The following PQBP1 variants were observed in gnomAD, a reference collection of about 807,000 sequenced individuals.
The protein encoded by PQBP1 is polyglutamine binding protein 1.
PQBP1 carries 3 observed loss-of-function variants against 20.9 expected under a neutral mutation model. The observed-to-expected ratio is 0.14, with a 90% CI of 0.07 to 0.37. The LOEUF (loss-of-function observed/expected upper bound fraction) is 0.37, where lower values mean the gene tolerates loss of function less well. Ranked by LOEUF, PQBP1 falls within the 10% of genes least tolerant of loss-of-function variation. PQBP1 has a pLI of 1.00. For missense variants in PQBP1, 162 were observed against 240.3 expected, an observed-to-expected ratio of 0.67 and a Z score of 2.16; for synonymous variants, 83 against 93.8, an observed-to-expected ratio of 0.88 and a Z score of 0.67.
rs782596874 is a variant in PQBP1, at chrX:48,903,014, G to A, written c.728G>A (p.Arg243Gln). The stretch of plus-strand genomic sequence containing the variant: ...GCAGCTGGGCCCCTCTTCCAGCAGC[G>A]GCCGTATCCATCCCCAGGGGCTGTG... ...TTAAGPLFQQ[R>Q]PYPSPGAVLR... The change falls in exon 7 of 7, where the codon CGG becomes CAG. Residue 243 changes from arginine to glutamine, a missense_variant. Arg to Gln is a conservative substitution (Grantham distance 43). Coordinates refer to ENST00000447146, the MANE Select transcript of PQBP1 (RefSeq NM_001032382.2). The A allele has an allele frequency of 1.7e-6, 2 of 1,205,719 alleles. No individual in the cohort carries two copies.
chrX:48,897,974 G>T lies in PQBP1; in HGVS notation c.-127G>T. ...GGAGTGAAGGCCTCGTTGAGAGAAG[G>T]TCTCATTCGGTGTTTTGGGAAGAGA... On this transcript the variant is annotated 5_prime_UTR_variant, in exon 1 of 7. Transcript: ENST00000447146. The T allele has an allele frequency of 1.1e-6, 1 of 900,144 alleles. No homozygotes were observed. Among genetic ancestry groups the T allele is most frequent in the Non-Finnish European group, 1.5e-6 (1 of 672,482 alleles). 74.2% of individuals were successfully genotyped at this position (900,144 alleles called of 1,213,427 possible).
chrX:48,902,648 C>T (rs1294759525), intron 5 of PQBP1, 84 bp from the exon 6 acceptor site: 1 of 1,150,730 alleles, frequency 8.7e-7, no homozygotes, highest in South Asian at 1.9e-5. Flanking sequence ...CAGCCAGGGG[C>T]TTCATTTCTT....
At chrX:48,902,201 G>A (rs782626509) in intron 4 of PQBP1, 32 bp from the exon 5 acceptor site, 2 of 1,210,755 alleles carry the variant, frequency 1.7e-6, no homozygotes, top group Admixed American at 4.4e-5. Flanking sequence ...TCCTGGGGTG[G>A]CAAGAGGTCA....
intron 2 of PQBP1, 133 bp downstream of exon 2, chrX:48,898,709 G>C: frequency 2.0e-6 from 1 of 496,130 alleles, no homozygotes; most frequent in Non-Finnish European, 3.2e-6. Flanking sequence ...ATTTTTCGTT[G>C]TTAACAATGT....
At position 48,901,999 on chromosome X, in the gene PQBP1, C is replaced by T. The variant is rs148270310; in HGVS notation, c.249C>T (p.Ser83=). The T allele has an allele frequency of 1.2e-5, 15 of 1,209,826 alleles. No homozygotes were observed. The highest frequency in any genetic ancestry group is 7.0e-5 in the African/African-American group (4 of 57,078). The change falls in exon 4 of 7, where the codon TCC becomes TCT. Residue 83 remains serine (S), a synonymous_variant. Coordinates refer to ENST00000447146, the MANE Select transcript of PQBP1 (RefSeq NM_001032382.2). ...VSWLSPHDPN[S]VVTKSAKKLR... is the part of the protein sequence containing the mutation. ...GGCTCTCCCCACATGACCCCAACTCCGTGGTTACCAAATCGGCCAAGAAGC... is the reference window on the plus strand; with the variant it reads ...GGCTCTCCCCACATGACCCCAACTCTGTGGTTACCAAATCGGCCAAGAAGC...
rs2063443752 is a variant in PQBP1 at position 48,902,763 on chromosome X, C to T, written c.609C>T (p.Pro203=). The change falls in exon 6 of 7, where the codon CCC becomes CCT. Residue 203 remains proline (P), a synonymous_variant. Transcript: ENST00000447146. ...AVSRKDEELD[P]MDPSSYSDAP... The stretch of plus-strand genomic sequence containing the variant: ...GCCGAAAGGATGAAGAGTTAGACCC[C>T]ATGGACCCTAGCTCATACTCAGACG... The T allele has an allele frequency of 8.3e-7, 1 of 1,204,215 alleles. No homozygotes were observed. The highest frequency in any genetic ancestry group is 1.1e-6 in the Non-Finnish European group (1 of 891,919).
intron 3 of PQBP1, 103 bp from the exon 4 acceptor site, chrX:48,901,827 G>A (rs2063419625): frequency 1.9e-5 from 22 of 1,153,171 alleles, no homozygotes; most frequent in Non-Finnish European, 2.3e-5. Flanking sequence ...CCTGCCTGTG[G>A]GGTCCTGACA....
rs2063420802 is a variant in PQBP1, at chrX:48,901,869, A to G, written c.180-61A>G. The G allele has an allele frequency of 6.6e-6, 8 of 1,204,539 alleles. No individual in the cohort carries two copies. In the Admixed American group the frequency reaches 1.8e-4, roughly 26 times the overall value. On this transcript the variant is annotated intron_variant, in intron 3 of 6. Coordinates refer to ENST00000447146, the MANE Select transcript of PQBP1 (RefSeq NM_001032382.2). ...AGGTATAGGCAGAGACTGGGGAGAC[A>G]AGAGTTGAGGATCCAAGGCAAGGAC...
intron 4 of PQBP1, 70 bp downstream of exon 4, chrX:48,902,112 T>G: frequency 8.3e-7 from 1 of 1,209,388 alleles, no homozygotes; most frequent in Non-Finnish European, 1.1e-6. Flanking sequence ...AGTAGAATGA[T>G]AGTGGATCAG....
At position 48,898,394 on chromosome X, in the gene PQBP1, G is replaced by C. The variant is rs782015230; in HGVS notation, c.-18-98G>C. 509 of 750,293 alleles carry C rather than the reference G, an allele frequency of 6.8e-4. 2 individuals carry two copies. Among genetic ancestry groups the C allele is most frequent in the Non-Finnish European group, 5.7e-5 (28 of 488,068 alleles). 61.8% of individuals were successfully genotyped at this position (750,293 alleles called of 1,213,427 possible). ...GCTACTGGTTCATTTGAGTAGATCG[G>C]AGTCAGATGAGTACATGTTTACGGG... On this transcript the variant is annotated intron_variant, in intron 1 of 6. Transcript: ENST00000447146.
chrX:48,902,867 G>C (rs2063447206), intron 6 of PQBP1, 61 bp from the exon 7 acceptor site: 11 of 1,184,498 alleles, frequency 9.3e-6, no homozygotes, highest in Non-Finnish European at 1.2e-5. Flanking sequence ...TCCTCATTGG[G>C]ACCAGGTGGG....
chrX:48,901,132 G>A (rs1395969256), intron 2 of PQBP1, 58 bp from the exon 3 acceptor site: 38 of 1,175,233 alleles, frequency 3.2e-5, no homozygotes, highest in Non-Finnish European at 4.3e-5. Flanking sequence ...GGCTCTACAT[G>A]TAGGATGAGG....
At chrX:48,902,615 G>C in intron 5 of PQBP1, 98 bp downstream of exon 5, 1 of 1,155,632 alleles carries the variant, frequency 8.7e-7, no homozygotes, top group Non-Finnish European at 1.2e-6. Context: ...CCTGGGGCTA[G>C]AGGAGGGTGC....
intron 5 of PQBP1, 98 bp downstream of exon 5, chrX:48,902,615 G>A: frequency 1.7e-6 from 2 of 1,155,631 alleles, no homozygotes; most frequent in Non-Finnish European, 2.3e-6. Flanking sequence ...CCTGGGGCTA[G>A]AGGAGGGTGC....
chrX:48,899,384 A>G (rs2063367397), intron 2 of PQBP1, among the ~76,000 whole-genome samples: 1 of 111,366 alleles, frequency 9.0e-6, no homozygotes, highest in African/African-American at 3.3e-5. Flanking sequence ...GAGTTTAGGG[A>G]TTAAGAGATT....
At chrX:48,898,604 A>C in intron 2 of PQBP1, 28 bp downstream of exon 2, 1 of 1,191,344 alleles carries the variant, frequency 8.4e-7, no homozygotes, top group Non-Finnish European at 1.1e-6. Context: ...AGATGGTCCT[A>C]ACACGTGCCA....
At chrX:48,901,477 T>G (rs1602326245) in intron 3 of PQBP1, 176 bp downstream of exon 3, 1 of 994,118 alleles carries the variant, frequency 1.0e-6, no homozygotes, top group Non-Finnish European at 1.4e-6. Context: ...GTTGGAAGAC[T>G]GTCTTTTCTC....
chrX:48,903,057 G>T lies in PQBP1; in HGVS notation c.771G>T (p.Glu257Asp). The change falls in exon 7 of 7, where the codon GAG becomes GAT. Residue 257 changes from glutamate (E) to aspartate (D), a missense_variant. Glu to Asp is a conservative substitution (Grantham distance 45). Coordinates refer to ENST00000447146, the MANE Select transcript of PQBP1 (RefSeq NM_001032382.2). ...SPGAVLRANA[E>D]ASRTKQQD is the part of the protein sequence containing the mutation. ...GGGCTGTGCTCCGGGCCAATGCAGA[G>T]GCCTCCCGAACCAAGCAGCAGGATT... 1 of 1,208,516 alleles carries T rather than the reference G, an allele frequency of 8.3e-7. No homozygotes were observed. Among genetic ancestry groups the T allele is most frequent in the Non-Finnish European group, 1.1e-6 (1 of 894,048 alleles).
At chrX:48,898,625 G>T (rs1557040266) in intron 2 of PQBP1, 49 bp downstream of exon 2, 1 of 1,150,758 alleles carries the variant, frequency 8.7e-7, no homozygotes, top group Admixed American at 2.2e-5. Flanking sequence ...GCCTCGACAG[G>T]CACTTTTGTT....
Sources: allele counts gnomAD v4.1 joint callset (sites outside exome capture counted in the v4.1 genomes callset), GRCh38; gene constraint gnomAD v4.1.1; transcripts MANE v1.5; gene names NCBI Gene and HGNC (gene_info 2026-07-23, HGNC 2026-07-21).